The following CCSER1 variants were observed in gnomAD, a reference collection of about 807,000 sequenced individuals.
The protein encoded by CCSER1 is serine-rich coiled-coil domain-containing protein 1.
Under a neutral mutation model 82.0 loss-of-function variants are expected in CCSER1, and 41 were observed. The ratio of observed to expected loss-of-function variants is 0.50; its 90% CI spans 0.39 to 0.65. CCSER1 has a LOEUF of 0.65. Ranked by LOEUF, CCSER1 falls within the 30% of genes least tolerant of loss-of-function variation. CCSER1 has a pLI of 0.00. For synonymous variants in CCSER1, 414 were observed against 383.9 expected, an observed-to-expected ratio of 1.08 and a Z score of -0.92; for missense variants, 1,119 against 1,064.2, an observed-to-expected ratio of 1.05 and a Z score of -0.72.
At position 91,301,681 on chromosome 4, in the gene CCSER1, G is replaced by A. The variant is rs1275615879; in HGVS notation, c.2217+215687G>A. ...AATGGCAGTTATCTTCACTTTTCGG[G>A]TTGCTACTTTTTAGAGAAAGTCACA... On this transcript the variant is annotated intron_variant, in intron 10 of 10. Transcript: ENST00000509176. Among the ~76,000 whole-genome samples, 7 of 151,838 alleles carry A rather than the reference G, an allele frequency of 4.6e-5. No individual in the cohort carries two copies. The East Asian group carries it at 1.4e-3, about 30-fold the overall frequency.
At chr4:91,512,534 A>G (rs887410885) in intron 10 of CCSER1, among the ~76,000 whole-genome samples, 20 of 152,106 alleles carry the variant, frequency 1.3e-4, no homozygotes, top group Non-Finnish European at 2.1e-4. Flanking sequence ...TCTTGCCCTC[A>G]ACTTGAAGAC....
intron 8 of CCSER1, among the ~76,000 whole-genome samples, chr4:90,871,501 A>T (rs1413419881): frequency 1.3e-5 from 2 of 151,756 alleles, no homozygotes; most frequent in Non-Finnish European, 3.0e-5. Context: ...ATTGATTTTC[A>T]GTTTTATTCC....
chr4:90,490,063 T>C (rs1767734831), intron 5 of CCSER1, among the ~76,000 whole-genome samples: 1 of 152,174 alleles, frequency 6.6e-6, no homozygotes, highest in Non-Finnish European at 1.5e-5. Flanking sequence ...GGTCAAATGG[T>C]ATTTCTAGTT....
At chr4:90,584,243 A>G (rs1475529740) in intron 5 of CCSER1, among the ~76,000 whole-genome samples, 1 of 152,216 alleles carries the variant, frequency 6.6e-6, no homozygotes, top group South Asian at 2.1e-4. Context: ...AAAAGCCTGT[A>G]AGTCTGGGCC....
intron 10 of CCSER1, among the ~76,000 whole-genome samples, chr4:91,564,638 A>G (rs1016401068): frequency 1.3e-5 from 2 of 151,626 alleles, no homozygotes; most frequent in African/African-American, 4.8e-5. Context: ...CATTTCTCTA[A>G]TCAGTGCTAC....
chr4:90,357,548 C>G (rs1744591647), intron 3 of CCSER1, among the ~76,000 whole-genome samples: 1 of 151,898 alleles, frequency 6.6e-6, no homozygotes, highest in Non-Finnish European at 1.5e-5. Flanking sequence ...ATGAGAAAAT[C>G]AGGATTTTCC....
chr4:90,823,872 T>C (rs887659345), intron 8 of CCSER1, among the ~76,000 whole-genome samples: 1 of 151,982 alleles, frequency 6.6e-6, no homozygotes, highest in African/African-American at 2.4e-5. Flanking sequence ...TAAACAAATA[T>C]TACATTTATT....
chr4:90,385,003 A>T (rs1162625244), intron 3 of CCSER1, among the ~76,000 whole-genome samples: 1 of 152,084 alleles, frequency 6.6e-6, no homozygotes, highest in Non-Finnish European at 1.5e-5. Context: ...TCTGTTCCTG[A>T]GTTACTTCAC....
chr4:90,756,372 A>C (rs1328635991), intron 7 of CCSER1, among the ~76,000 whole-genome samples: 1 of 152,164 alleles, frequency 6.6e-6, no homozygotes, highest in East Asian at 1.9e-4. Context: ...TCCTCTCCAT[A>C]TTCAACTCTT....
intron 9 of CCSER1, among the ~76,000 whole-genome samples, chr4:90,969,430 G>A (rs1367435950): frequency 6.6e-6 from 1 of 151,950 alleles, no homozygotes. Flanking sequence ...TTATAAGCAA[G>A]GAAACCCCAT....
intron 3 of CCSER1, among the ~76,000 whole-genome samples, chr4:90,394,999 C>G (rs1304186631): frequency 6.6e-6 from 1 of 152,164 alleles, no homozygotes; most frequent in Non-Finnish European, 1.5e-5. Flanking sequence ...TAATAGTCAC[C>G]ATGTTGTACA....
At chr4:90,169,306 T>A (rs1209049350) in intron 1 of CCSER1, among the ~76,000 whole-genome samples, 1 of 152,174 alleles carries the variant, frequency 6.6e-6, no homozygotes, top group African/African-American at 2.4e-5. Context: ...GGAATGCTTA[T>A]GATTTTTGCA....
intron 4 of CCSER1, among the ~76,000 whole-genome samples, chr4:90,430,376 G>T (rs1052845508): frequency 2.6e-5 from 4 of 151,878 alleles, no homozygotes; most frequent in African/African-American, 9.7e-5. Flanking sequence ...TTTTCAAGGA[G>T]ATTTCAGTCT....
chr4:91,307,044 T>C (rs892602593), intron 10 of CCSER1, among the ~76,000 whole-genome samples: 12 of 151,978 alleles, frequency 7.9e-5, no homozygotes, highest in African/African-American at 2.4e-4. Context: ...CTTTAGGGTA[T>C]GATGTTTTAT....
At chr4:91,561,790 A>G (rs536194310) in intron 10 of CCSER1, among the ~76,000 whole-genome samples, 9 of 151,388 alleles carry the variant, frequency 5.9e-5, no homozygotes, top group Non-Finnish European at 1.3e-4. Flanking sequence ...TTTTTTTTTC[A>G]GTTTCTTTAT....
chr4:91,082,838 A>G (rs1289849320), intron 9 of CCSER1, among the ~76,000 whole-genome samples: 1 of 152,258 alleles, frequency 6.6e-6, no homozygotes, highest in Non-Finnish European at 1.5e-5. Context: ...CATCAGAGAA[A>G]TGCAAATCAA....
chr4:91,078,630 C>T (rs2148792238), intron 9 of CCSER1, among the ~76,000 whole-genome samples: 1 of 152,328 alleles, frequency 6.6e-6, no homozygotes, highest in Middle Eastern at 3.4e-3. Flanking sequence ...TAACAAACTT[C>T]TCCGAGCTAA....
At chr4:91,244,544 C>T (rs1739618095) in intron 10 of CCSER1, among the ~76,000 whole-genome samples, 2 of 152,304 alleles carry the variant, frequency 1.3e-5, no homozygotes, top group Admixed American at 6.5e-5. Flanking sequence ...CCTGGTAATC[C>T]AGAGAATTAT....
chr4:91,298,706 G>GT (rs1390193678), intron 10 of CCSER1, among the ~76,000 whole-genome samples: 1 of 152,006 alleles, frequency 6.6e-6, no homozygotes, highest in East Asian at 1.9e-4. Context: ...AAGTTCTTTT[G>GT]TTGAGCATGG....
Sources: gnomAD v4.1 joint callset for allele counts (sites outside exome capture counted in the v4.1 genomes callset) on GRCh38, gnomAD v4.1.1 for gene constraint, MANE v1.5 for transcripts, NCBI Gene and HGNC (gene_info 2026-07-23, HGNC 2026-07-21) for gene names.